Variants in TRPC4 observed in about 807,000 individuals in gnomAD.
TRPC4 encodes the protein short transient receptor potential channel 4.
A neutral mutation model predicts 99.4 loss-of-function variants in TRPC4; 49 were observed. The ratio of observed to expected loss-of-function variants is 0.49; its 90% confidence interval spans 0.39 to 0.63. TRPC4 has a LOEUF of 0.63. TRPC4 is among the 20% of genes least tolerant of loss of function. The pLI is 0.00. For missense variants in TRPC4, 898 were observed against 1,152.9 expected, an observed-to-expected ratio of 0.78 and a Z score of 3.20; for synonymous variants, 454 against 425.9, an observed-to-expected ratio of 1.07 and a Z score of -0.81.
At chr13:37,683,346 C>T (rs1468214201) in intron 4 of TRPC4, among the ~76,000 whole-genome samples, 1 of 152,074 alleles carries the variant, frequency 6.6e-6, no homozygotes. Flanking sequence ...GGCCTTCTGT[C>T]TTTTAATGTG....
At chr13:37,709,974 G>A (rs1436215211) in intron 3 of TRPC4, among the ~76,000 whole-genome samples, 1 of 151,938 alleles carries the variant, frequency 6.6e-6, no homozygotes, top group Admixed American at 6.6e-5. Context: ...CATGGAAGGA[G>A]AGGCTGTGCC....
intron 2 of TRPC4, among the ~76,000 whole-genome samples, chr13:37,764,813 CTTT>C (rs71096806): frequency 8.0e-4 from 104 of 129,352 alleles, no homozygotes; most frequent in Middle Eastern, 4.1e-3. Context: ...TTATCAAATG[CTTT>C]TTTTTTTTTT....
chr13:37,733,037 C>T (rs1049075255), intron 3 of TRPC4, among the ~76,000 whole-genome samples: 3 of 152,154 alleles, frequency 2.0e-5, no homozygotes, highest in Admixed American at 6.5e-5. Flanking sequence ...TTTTGGGATG[C>T]CAAGGTGGGT....
chr13:37,852,517 A>T (rs1209205542), intron 1 of TRPC4, among the ~76,000 whole-genome samples: 1 of 152,226 alleles, frequency 6.6e-6, no homozygotes, highest in Non-Finnish European at 1.5e-5. Flanking sequence ...TGCTGGCTTC[A>T]GATGTGACCC....
rs776302750 is a variant in TRPC4 at position 37,651,379 on chromosome 13, A to G, written c.1965T>C (p.Thr655=). 1.2e-6 allele frequency: 2 copies of G among 1,614,114 alleles called. No individual in the cohort carries two copies. Among genetic ancestry groups the G allele is most frequent in the Non-Finnish European group, 1.7e-6 (2 of 1,179,970 alleles). Residue 655 remains threonine (T), a synonymous_variant, in exon 8 of 11, where the codon ACT becomes ACC. Coordinates refer to ENST00000379705, the MANE Select transcript of TRPC4 (RefSeq NM_016179.4). ...SYFEEGGTLP[T]PFNVIPSPKS... ...TGGGGCTCGGGATGACATTGAAGGG[A>G]GTAGGCAGAGTACCTCCTTCTTCAA...
At position 37,743,898 on chromosome 13, in the gene TRPC4, A is replaced by G. The variant is rs566893339; in HGVS notation, c.897+2039T>C. Among the ~76,000 whole-genome samples, 3 of 152,276 alleles carry G rather than the reference A, an allele frequency of 2.0e-5. No homozygotes were observed. In the South Asian group the frequency reaches 6.2e-4, roughly 32 times the overall value. On this transcript the variant is annotated intron_variant, in intron 3 of 10. Coordinates refer to ENST00000379705, the MANE Select transcript of TRPC4 (RefSeq NM_016179.4). ...CTTTCACAAAAGTTATTGTGGCCAAAGATGACGTTAAATCAGCTTCAATGC... is the reference window on the plus strand; with the variant it reads ...CTTTCACAAAAGTTATTGTGGCCAAGGATGACGTTAAATCAGCTTCAATGC...
intron 3 of TRPC4, among the ~76,000 whole-genome samples, chr13:37,696,147 T>G (rs1854498413): frequency 6.6e-6 from 1 of 152,122 alleles, no homozygotes; most frequent in South Asian, 2.1e-4. Context: ...AGAGCGCTTG[T>G]GCAGGGAAAC....
Position 37,635,914 on chromosome 13 carries a change from G to A in TRPC4, c.*989C>T, listed in dbSNP as rs867007910. On this transcript the variant is annotated 3_prime_UTR_variant, in exon 11 of 11. Coordinates refer to ENST00000379705, the MANE Select transcript of TRPC4 (RefSeq NM_016179.4). ...TATATAAAGATTACTGGTGAAAAGA[G>A]GAGACTGCTAGTTTTTTTGTACTTC... 3.9e-5 allele frequency among the ~76,000 whole-genome samples: 6 copies of A among 151,972 alleles called. No individual in the cohort carries two copies. Among genetic ancestry groups the A allele is most frequent in the Non-Finnish European group, 7.4e-5 (5 of 67,964 alleles).
intron 4 of TRPC4, among the ~76,000 whole-genome samples, chr13:37,683,849 G>T (rs1953349834): frequency 6.6e-6 from 1 of 152,134 alleles, no homozygotes; most frequent in South Asian, 2.1e-4. Context: ...CCTTTATTGG[G>T]AAGAGAAGAT....
chr13:37,759,900 A>G (rs1378870183), intron 2 of TRPC4, among the ~76,000 whole-genome samples: 3 of 151,996 alleles, frequency 2.0e-5, no homozygotes, highest in African/African-American at 7.2e-5. Context: ...CCTGATGGAA[A>G]TTTGGACATC....
intron 2 of TRPC4, among the ~76,000 whole-genome samples, chr13:37,782,092 G>A (rs1956856290): frequency 6.6e-6 from 1 of 152,046 alleles, no homozygotes; most frequent in Admixed American, 6.6e-5. Context: ...TTTGCAGTTA[G>A]TCAATTAGCC....
chr13:37,676,529 C>T (rs4943531), intron 4 of TRPC4, among the ~76,000 whole-genome samples: 1 of 151,764 alleles, frequency 6.6e-6, no homozygotes, highest in African/African-American at 2.4e-5. Context: ...CGCACTACCC[C>T]ATCCGGCTAA....
At chr13:37,818,810 G>C (rs1231295869) in intron 1 of TRPC4, among the ~76,000 whole-genome samples, 1 of 151,952 alleles carries the variant, frequency 6.6e-6, no homozygotes, top group Non-Finnish European at 1.5e-5. Flanking sequence ...AGGGGATTGG[G>C]GGCCATTGAA....
chr13:37,789,409 T>C (rs1957055163), intron 1 of TRPC4, among the ~76,000 whole-genome samples: 1 of 152,174 alleles, frequency 6.6e-6, no homozygotes, highest in African/African-American at 2.4e-5. Context: ...TATGTAGCCT[T>C]TTTTATGCAT....
intron 2 of TRPC4, among the ~76,000 whole-genome samples, chr13:37,776,796 G>A (rs1190882527): frequency 6.6e-6 from 1 of 151,848 alleles, no homozygotes; most frequent in Non-Finnish European, 1.5e-5. Context: ...GTTTTTCAGG[G>A]TAACTGAATC....
At chr13:37,835,286 T>C (rs1958536080) in intron 1 of TRPC4, among the ~76,000 whole-genome samples, 1 of 152,188 alleles carries the variant, frequency 6.6e-6, no homozygotes, top group Non-Finnish European at 1.5e-5. Context: ...TTCCTCCTTC[T>C]GAGGGCGTTC....
intron 3 of TRPC4, among the ~76,000 whole-genome samples, chr13:37,708,337 A>G (rs1396602921): frequency 6.6e-6 from 1 of 152,110 alleles, no homozygotes; most frequent in African/African-American, 2.4e-5. Flanking sequence ...ATTATTGCCA[A>G]ATGTGAGTAA....
In TRPC4 at chr13:37,712,266, T is replaced by C. The variant is rs373223823; in HGVS notation, c.898-19931A>G. ...TGATGATCCCCACACTGCTTTTCACTATTACCCAATGCTACATAGTACAGG... is the reference window on the plus strand; with the variant it reads ...TGATGATCCCCACACTGCTTTTCACCATTACCCAATGCTACATAGTACAGG... On this transcript the variant is annotated intron_variant, in intron 3 of 10. Coordinates refer to ENST00000379705, the MANE Select transcript of TRPC4 (RefSeq NM_016179.4). Among the ~76,000 whole-genome samples, 9 of 152,278 alleles carry C rather than the reference T, an allele frequency of 5.9e-5. No individual in the cohort carries two copies. In the East Asian group the frequency reaches 9.6e-4, roughly 16 times the overall value.
At chr13:37,843,436 G>A (rs1442093280) in intron 1 of TRPC4, among the ~76,000 whole-genome samples, 3 of 152,136 alleles carry the variant, frequency 2.0e-5, no homozygotes, top group Non-Finnish European at 4.4e-5. Context: ...AACTTAGCAT[G>A]ACAATTATGT....
Sources: allele counts gnomAD v4.1 joint callset (sites outside exome capture counted in the v4.1 genomes callset), GRCh38; gene constraint gnomAD v4.1.1; transcripts MANE v1.5; gene names NCBI Gene and HGNC (gene_info 2026-07-23, HGNC 2026-07-21).